FMN1: variants seen among roughly 807,000 people sequenced by gnomAD.
FMN1 encodes the protein formin 1.
FMN1 carries 110 observed loss-of-function variants against 132.4 expected under a neutral mutation model. That is an observed-to-expected ratio of 0.83 (90% CI 0.71 to 0.97). The LOEUF (loss-of-function observed/expected upper bound fraction) is 0.97, where lower values mean the gene tolerates loss of function less well. Ranked by LOEUF, FMN1 falls within the 50% of genes least tolerant of loss-of-function variation. The pLI is 0.00. For synonymous variants in FMN1, 722 were observed against 651.7 expected (o/e 1.11, Z -1.64); for missense variants, 1,792 against 1,705.3 (o/e 1.05, Z -0.90).
chr15:33,071,946 C>T (rs1207438068), intron 5 of FMN1, among the ~76,000 whole-genome samples: 1 of 152,164 alleles, frequency 6.6e-6, no homozygotes, highest in Non-Finnish European at 1.5e-5. Flanking sequence ...GCACCTATTA[C>T]ACAAAACCAG....
At chr15:32,886,726 C>T (rs984746989) in intron 16 of FMN1, among the ~76,000 whole-genome samples, 3 of 152,158 alleles carry the variant, frequency 2.0e-5, no homozygotes, top group African/African-American at 4.8e-5. Context: ...CAGGAACAGC[C>T]GTGGAGCAAA....
In FMN1 at chr15:32,837,260, G is replaced by A. The variant is rs536724130; in HGVS notation, c.3928+19755C>T. ...AAGATTTTGGGTGGATGCTGCTCTCGGAGAAGTCAAACTTCTACTCTTTGT... is the reference window on the plus strand; with the variant it reads ...AAGATTTTGGGTGGATGCTGCTCTCAGAGAAGTCAAACTTCTACTCTTTGT... On this transcript the variant is annotated intron_variant, in intron 17 of 20. Coordinates refer to ENST00000616417, the MANE Select transcript of FMN1 (RefSeq NM_001277313.2). The A allele has an allele frequency of 5.4e-5, 12 of 222,824 alleles. No homozygotes were observed. The East Asian group carries it at 9.9e-4, about 18-fold the overall frequency. 13.8% of individuals were successfully genotyped at this position (222,824 alleles called of 1,614,324 possible). A position where few individuals can be genotyped will look rare whatever the true frequency, so the allele number is the denominator to read the frequency against.
At chr15:32,816,279 A>C (rs899897976) in intron 17 of FMN1, among the ~76,000 whole-genome samples, 1 of 152,220 alleles carries the variant, frequency 6.6e-6, no homozygotes, top group African/African-American at 2.4e-5. Flanking sequence ...TATCACGGGA[A>C]AATGCTATGA....
rs532709127 is a variant in FMN1, at chr15:32,882,966, T to C, written c.3835+5206A>G. Among the ~76,000 whole-genome samples the C allele has an allele frequency of 2.2e-3, 339 of 152,354 alleles. 1 individual carries two copies. The highest frequency in any genetic ancestry group is 3.7e-3 in the Non-Finnish European group (255 of 68,024). On this transcript the variant is annotated intron_variant, in intron 16 of 20. Coordinates refer to ENST00000616417, the MANE Select transcript of FMN1 (RefSeq NM_001277313.2). The stretch of plus-strand genomic sequence containing the variant: ...CTGACAGAACAAGAGCCAGCATGGC[T>C]GTAAGAAGCCAGAATCAAAGAGGAT...
intron 19 of FMN1, 148 bp from the exon 20 acceptor site, chr15:32,777,067 T>C: frequency 5.1e-6 from 3 of 591,548 alleles, no homozygotes; most frequent in Middle Eastern, 3.9e-4. Flanking sequence ...TGAAATGTTT[T>C]TTCAATGCTT....
At chr15:32,785,192 G>GTATA (rs1567162734) in intron 19 of FMN1, among the ~76,000 whole-genome samples, 2 of 23,174 alleles carry the variant, frequency 8.6e-5, no homozygotes, top group African/African-American at 1.3e-4. Context: ...GTGTGTGTGT[G>GTATA]TGTGTGTGTA....
rs1403923045 is a variant in FMN1 at position 32,898,889 on chromosome 15, T to C, written c.3659A>G (p.Asn1220Ser). 10 of 1,581,618 alleles carry C rather than the reference T, an allele frequency of 6.3e-6. No individual in the cohort carries two copies. The highest frequency in any genetic ancestry group is 8.7e-6 in the Non-Finnish European group (10 of 1,153,080). The change falls in exon 15 of 21, where the codon AAT becomes AGT. Residue 1220 changes from asparagine to serine, a missense_variant. Physicochemically the swap from Asn to Ser is conservative, Grantham distance 46 (BLOSUM62 1). This residue lies in a region of FMN1 where 1,150 missense variants were observed against 1,043.1 expected (regional missense o/e 1.10). Coordinates refer to ENST00000616417, the MANE Select transcript of FMN1 (RefSeq NM_001277313.2). ...AACGTAGTCCACCAGATTAATCCCA[T>C]TATCCTAGGTTTAAAAGAGAAATGT... is the stretch of plus-strand genomic sequence containing the variant. ...PKLKDVKSRDNGINLVDYVVK... is the reference protein window; with the variant it reads ...PKLKDVKSRDSGINLVDYVVK...
intron 16 of FMN1, among the ~76,000 whole-genome samples, chr15:32,865,950 A>C (rs370278119): frequency 1.3e-5 from 2 of 152,140 alleles, no homozygotes; most frequent in African/African-American, 4.8e-5. Flanking sequence ...TGGAAAATTA[A>C]AACAATAGCT....
intron 7 of FMN1, among the ~76,000 whole-genome samples, chr15:32,991,182 T>C (rs1485778795): frequency 6.6e-6 from 1 of 152,174 alleles, no homozygotes; most frequent in Non-Finnish European, 1.5e-5. Flanking sequence ...CCTCATTCTT[T>C]ATTTTCTCTC....
chr15:33,038,010 G>A (rs2036263682), intron 6 of FMN1, among the ~76,000 whole-genome samples: 1 of 152,214 alleles, frequency 6.6e-6, no homozygotes, highest in Non-Finnish European at 1.5e-5. Flanking sequence ...ATCACTTGGT[G>A]TCAGGAGTTT....
rs1046919373 is a variant in FMN1 at position 32,766,776 on chromosome 15, A to G, written c.*7534T>C. On this transcript the variant is annotated 3_prime_UTR_variant, in exon 21 of 21. Transcript: ENST00000616417. ...GGCCAAGGGAGCTACTCAGTTGTCT[A>G]TGATGCAGAGGTGTGAAAAAATCTG... is the stretch of plus-strand genomic sequence containing the variant. 1 of 152,204 alleles carries G rather than the reference A, an allele frequency of 6.6e-6. No homozygotes were observed. The highest frequency in any genetic ancestry group is 2.4e-5 in the African/African-American group (1 of 41,436). The allele number at this position is 152,204 out of a possible 1,614,324, so 9.4% of individuals were successfully genotyped here.
intron 10 of FMN1, 102 bp from the exon 11 acceptor site, chr15:32,910,637 C>A: frequency 2.3e-6 from 2 of 860,626 alleles, no homozygotes; most frequent in Non-Finnish European, 1.9e-6. Flanking sequence ...CAGAGTATTG[C>A]GTTTTCTTAC....
chr15:33,190,892 C>T lies in FMN1; in HGVS notation c.-197+3017G>A, dbSNP rs372856805. Among the ~76,000 whole-genome samples, 239 of 152,204 alleles carry T rather than the reference C, an allele frequency of 1.6e-3. 2 individuals are homozygous for T. Among genetic ancestry groups the T allele is most frequent in the African/African-American group, 5.5e-3 (227 of 41,540 alleles). Reference sequence around the variant, plus strand: ...TGAACGTTAAAAAGTCCTGGCTGGCCGGACGTGGTAACTCACGCCTGTAAT... The same window carrying T: ...TGAACGTTAAAAAGTCCTGGCTGGCTGGACGTGGTAACTCACGCCTGTAAT... On this transcript the variant is annotated intron_variant, in intron 2 of 20. Coordinates refer to ENST00000616417, the MANE Select transcript of FMN1 (RefSeq NM_001277313.2).
chr15:33,144,241 A>T (rs574275140), intron 4 of FMN1, among the ~76,000 whole-genome samples: 1 of 152,340 alleles, frequency 6.6e-6, no homozygotes, highest in African/African-American at 2.4e-5. Context: ...TTCAAAGGCT[A>T]CCGAGTGAGC....
chr15:33,102,118 G>A (rs1448566374), intron 4 of FMN1, among the ~76,000 whole-genome samples: 11 of 152,098 alleles, frequency 7.2e-5, no homozygotes, highest in Non-Finnish European at 1.5e-5. Flanking sequence ...ACTACAGCAT[G>A]TGACGCTCCG....
Position 32,933,567 on chromosome 15 carries a change from T to C in FMN1, c.3139-7306A>G, listed in dbSNP as rs368452500. On this transcript the variant is annotated intron_variant, in intron 9 of 20. Transcript: ENST00000616417. ...TACATCATTTATCAAAAGTGGGTTA[T>C]TGAAATCTCCCATTGCTGTGTTGCT... 5.3e-5 allele frequency among the ~76,000 whole-genome samples: 8 copies of C among 152,196 alleles called. No homozygotes were observed. The South Asian group carries it at 1.2e-3, about 24-fold the overall frequency.
chr15:32,862,386 G>A (rs77841413), intron 16 of FMN1, among the ~76,000 whole-genome samples: 9,485 of 152,186 alleles, frequency 0.062, 644 homozygotes, highest in African/African-American at 0.17. Flanking sequence ...ATTAATTTCC[G>A]AAGTTAGTTA....
At chr15:33,147,550 G>A (rs1483975995) in intron 4 of FMN1, among the ~76,000 whole-genome samples, 4 of 152,180 alleles carry the variant, frequency 2.6e-5, no homozygotes, top group African/African-American at 9.7e-5. Context: ...ATAGAGACAA[G>A]TGAAAAGCAA....
chr15:32,785,784 C>A (rs922938425), intron 19 of FMN1, among the ~76,000 whole-genome samples: 1 of 151,958 alleles, frequency 6.6e-6, no homozygotes, highest in Non-Finnish European at 1.5e-5. Context: ...AATCACCGCT[C>A]GACTCAGATC....
Sources: allele counts gnomAD v4.1 joint callset (sites outside exome capture counted in the v4.1 genomes callset), GRCh38; gene constraint gnomAD v4.1.1; regional missense constraint gnomAD v4.1.1; transcripts MANE v1.5; gene names NCBI Gene and HGNC (gene_info 2026-07-23, HGNC 2026-07-21).